CNTN5: variants seen among roughly 807,000 people sequenced by gnomAD.
CNTN5 encodes the protein contactin 5.
Under a neutral mutation model 129.1 loss-of-function variants are expected in CNTN5, and 77 were observed. The ratio of observed to expected loss-of-function variants is 0.60; its 90% confidence interval spans 0.50 to 0.72. The LOEUF (loss-of-function observed/expected upper bound fraction) is 0.72. Among genes scored for constraint, CNTN5 ranks in the 30% least tolerant of loss-of-function variants. CNTN5 has a pLI of 0.00. For synonymous variants in CNTN5, 509 were observed against 465.6 expected (o/e 1.09, Z -1.20); for missense variants, 1,478 against 1,328.8 (o/e 1.11, Z -1.75).
intron 3 of CNTN5, among the ~76,000 whole-genome samples, chr11:99,635,317 T>C (rs1005260367): frequency 4.6e-5 from 7 of 152,228 alleles, no homozygotes; most frequent in African/African-American, 1.7e-4. Flanking sequence ...TTTTTGCTTA[T>C]GCGAGTCAGT....
intron 10 of CNTN5, among the ~76,000 whole-genome samples, chr11:100,062,831 A>C (rs1251039076): frequency 1.3e-5 from 2 of 152,234 alleles, no homozygotes; most frequent in Non-Finnish European, 2.9e-5. Context: ...TTCATAATTC[A>C]TAAAACAAAT....
chr11:99,538,742 T>C (rs571223818), intron 2 of CNTN5, among the ~76,000 whole-genome samples: 3 of 152,270 alleles, frequency 2.0e-5, no homozygotes, highest in African/African-American at 7.2e-5. Flanking sequence ...TGTTTTATTT[T>C]GCAACCACAA....
intron 8 of CNTN5, among the ~76,000 whole-genome samples, chr11:99,972,587 G>A (rs1951294517): frequency 6.6e-6 from 1 of 151,592 alleles, no homozygotes; most frequent in Admixed American, 6.6e-5. Flanking sequence ...CACCCAGCTA[G>A]CAGACTATGC....
At chr11:99,651,350 A>G (rs1421975535) in intron 3 of CNTN5, among the ~76,000 whole-genome samples, 2 of 151,900 alleles carry the variant, frequency 1.3e-5, no homozygotes, top group Non-Finnish European at 2.9e-5. Flanking sequence ...AAATATAAGC[A>G]GATGAGAAAA....
intron 8 of CNTN5, among the ~76,000 whole-genome samples, chr11:99,989,418 C>CACAT (rs1938904650): frequency 6.6e-6 from 1 of 151,796 alleles, no homozygotes; most frequent in Admixed American, 6.6e-5. Flanking sequence ...CATATTCACA[C>CACAT]ACGTCTTGGT....
chr11:99,973,539 C>G (rs567974117), intron 8 of CNTN5, among the ~76,000 whole-genome samples: 1 of 152,098 alleles, frequency 6.6e-6, no homozygotes, highest in African/African-American at 2.4e-5. Context: ...CCTGATTTTT[C>G]TCTGAATATC....
At chr11:99,663,891 C>T (rs1264739534) in intron 3 of CNTN5, among the ~76,000 whole-genome samples, 1 of 152,126 alleles carries the variant, frequency 6.6e-6, no homozygotes. Flanking sequence ...TACATTTAGG[C>T]CAACACAATC....
chr11:100,048,036 C>T (rs914880629), intron 9 of CNTN5, among the ~76,000 whole-genome samples: 7 of 152,056 alleles, frequency 4.6e-5, no homozygotes, highest in Admixed American at 6.6e-5. Flanking sequence ...GGTGCTGAGG[C>T]AGGAGAATGG....
At chr11:99,033,090 T>A (rs1863486500) in intron 1 of CNTN5, among the ~76,000 whole-genome samples, 1 of 149,110 alleles carries the variant, frequency 6.7e-6, no homozygotes, top group Admixed American at 6.8e-5. Flanking sequence ...ATATGCGGCG[T>A]TATTTCTGAG....
At position 99,251,795 on chromosome 11, in the gene CNTN5, C is replaced by T. The variant is rs117631673; in HGVS notation, c.-209-73551C>T. 6.0e-3 allele frequency among the ~76,000 whole-genome samples: 909 copies of T among 151,898 alleles called. 3 individuals carry two copies. Among genetic ancestry groups the T allele is most frequent in the Admixed American group, 0.011 (165 of 15,214 alleles). ...GTAGTAACATGTGTTTTCCATACAA[C>T]GCCTAAGTGGTGGTTGGAAAGCTTC... On this transcript the variant is annotated intron_variant, in intron 1 of 24. Coordinates refer to ENST00000524871, the MANE Select transcript of CNTN5 (RefSeq NM_014361.4).
At chr11:99,638,155 G>T (rs1422817703) in intron 3 of CNTN5, among the ~76,000 whole-genome samples, 6 of 152,108 alleles carry the variant, frequency 3.9e-5, no homozygotes, top group African/African-American at 1.4e-4. Context: ...GAGGTGAAAG[G>T]TTCTTTGTAC....
At chr11:99,456,638 A>G (rs12421384) in intron 2 of CNTN5, among the ~76,000 whole-genome samples, 3,282 of 152,136 alleles carry the variant, frequency 0.022, 159 homozygotes, top group East Asian at 0.13. Context: ...ACATTTTTCT[A>G]TGCTGCCTTT....
At chr11:100,049,306 C>T (rs900383229) in intron 9 of CNTN5, among the ~76,000 whole-genome samples, 7 of 151,436 alleles carry the variant, frequency 4.6e-5, no homozygotes, top group Non-Finnish European at 8.8e-5. Context: ...GAAGGAGAAC[C>T]GGTAAGCATA....
chr11:99,836,403 T>C (rs1197680540), intron 4 of CNTN5, among the ~76,000 whole-genome samples: 1 of 151,912 alleles, frequency 6.6e-6, no homozygotes, highest in Non-Finnish European at 1.5e-5. Flanking sequence ...TTTGGTTTTT[T>C]GTCCTTGCGA....
intron 2 of CNTN5, among the ~76,000 whole-genome samples, chr11:99,462,329 CTTTCTTTTT>C (rs1012055988): frequency 7.4e-6 from 1 of 135,146 alleles, no homozygotes; most frequent in African/African-American, 2.7e-5. Flanking sequence ...TGTCCTTTTT[CTTTCTTTTT>C]TTTCTTTTTT....
At chr11:100,026,034 T>A (rs1260222899) in intron 9 of CNTN5, among the ~76,000 whole-genome samples, 1 of 152,160 alleles carries the variant, frequency 6.6e-6, no homozygotes, top group Non-Finnish European at 1.5e-5. Flanking sequence ...AGGGGAAGAA[T>A]GATATGTTTA....
intron 13 of CNTN5, among the ~76,000 whole-genome samples, chr11:100,151,023 C>T (rs1166775019): frequency 6.6e-6 from 1 of 152,044 alleles, no homozygotes; most frequent in East Asian, 1.9e-4. Context: ...GGAAGGTTGT[C>T]ACCAGGAGCC....
At chr11:99,541,248 T>C (rs140720641) in intron 2 of CNTN5, among the ~76,000 whole-genome samples, 50 of 152,124 alleles carry the variant, frequency 3.3e-4, no homozygotes, top group Middle Eastern at 3.4e-3. Context: ...AGAGCTTCCA[T>C]TGAATTTTAA....
intron 2 of CNTN5, among the ~76,000 whole-genome samples, chr11:99,394,696 A>G (rs568620423): frequency 6.6e-6 from 1 of 151,084 alleles, no homozygotes; most frequent in Non-Finnish European, 1.5e-5. Flanking sequence ...CCTTTCTCTC[A>G]CCCTTCATCC....
Sources: gnomAD v4.1 joint callset for allele counts (sites outside exome capture counted in the v4.1 genomes callset) on GRCh38, gnomAD v4.1.1 for gene constraint, MANE v1.5 for transcripts, NCBI Gene and HGNC (gene_info 2026-07-23, HGNC 2026-07-21) for gene names.